Variants in TRDN observed in about 807,000 individuals in gnomAD.
TRDN encodes triadin in skeletal muscle.
Under a neutral mutation model 149.7 loss-of-function variants are expected in TRDN, and 161 were observed. The ratio of observed to expected loss-of-function variants is 1.08; its 90% CI spans 0.95 to 1.23. TRDN has a LOEUF of 1.23. TRDN is among the 50% of genes most tolerant of loss of function. The pLI is 0.00. For missense variants in TRDN, 896 were observed against 823.5 expected, an observed-to-expected ratio of 1.09 and a Z score of -1.08; for synonymous variants, 294 against 250.5, an observed-to-expected ratio of 1.17 and a Z score of -1.64.
At chr6:123,301,927 A>G (rs2114672121) in intron 24 of TRDN, among the ~76,000 whole-genome samples, 1 of 149,718 alleles carries the variant, frequency 6.7e-6, no homozygotes, top group South Asian at 2.1e-4. Context: ...ATCAGTCATC[A>G]CAGATATTAA....
intron 1 of TRDN, among the ~76,000 whole-genome samples, chr6:123,600,975 C>G (rs1276712517): frequency 6.6e-6 from 1 of 151,904 alleles, no homozygotes; most frequent in Admixed American, 6.6e-5. Context: ...CTGAACATAA[C>G]TGAAAAGTTG....
intron 23 of TRDN, among the ~76,000 whole-genome samples, chr6:123,326,347 T>C (rs9490733): frequency 0.15 from 22,306 of 151,408 alleles, 1,770 homozygotes; most frequent in South Asian, 0.21. Context: ...AAAAGAGATA[T>C]AGAGTCTTAT....
intron 24 of TRDN, among the ~76,000 whole-genome samples, chr6:123,307,388 T>A (rs1391419000): frequency 6.6e-6 from 1 of 152,052 alleles, no homozygotes; most frequent in Admixed American, 6.6e-5. Flanking sequence ...TTGCTCCTCC[T>A]CTTCATGGAA....
intron 9 of TRDN, among the ~76,000 whole-genome samples, chr6:123,472,400 A>T (rs1268249099): frequency 1.3e-5 from 2 of 152,198 alleles, no homozygotes; most frequent in African/African-American, 4.8e-5. Context: ...GCACCACAAG[A>T]TTATATCCCA....
intron 24 of TRDN, among the ~76,000 whole-genome samples, chr6:123,305,701 C>T (rs1277212707): frequency 1.3e-5 from 2 of 152,124 alleles, no homozygotes; most frequent in South Asian, 2.1e-4. Flanking sequence ...CTCTTACACC[C>T]CTCAAGGCTG....
chr6:123,422,947 T>C (rs1306566066), intron 12 of TRDN, among the ~76,000 whole-genome samples: 1 of 152,048 alleles, frequency 6.6e-6, no homozygotes, highest in Non-Finnish European at 1.5e-5. Context: ...TAAAAAGGTG[T>C]AACAGGAATA....
At chr6:123,464,837 G>T in intron 10 of TRDN, 69 bp downstream of exon 10, 1 of 1,525,166 alleles carries the variant, frequency 6.6e-7, no homozygotes, top group Non-Finnish European at 8.8e-7. Flanking sequence ...GACTATTTTT[G>T]TTGTTGCTGT....
chr6:123,384,596 G>T (rs1044414413), intron 14 of TRDN, among the ~76,000 whole-genome samples: 14 of 152,208 alleles, frequency 9.2e-5, no homozygotes, highest in South Asian at 6.2e-4. Flanking sequence ...TGTAACTATA[G>T]AATATCTAAA....
At chr6:123,270,332 G>A (rs915267171) in intron 30 of TRDN, among the ~76,000 whole-genome samples, 2 of 151,864 alleles carry the variant, frequency 1.3e-5, no homozygotes, top group African/African-American at 2.4e-5. Flanking sequence ...TAATTTCTAG[G>A]AATAATTGGA....
At chr6:123,317,793 A>G (rs527958191) in intron 23 of TRDN, among the ~76,000 whole-genome samples, 1 of 152,112 alleles carries the variant, frequency 6.6e-6, no homozygotes, top group African/African-American at 2.4e-5. Context: ...TATATGATCA[A>G]CAAATATTGT....
At chr6:123,446,868 G>T (rs1775409239) in intron 10 of TRDN, among the ~76,000 whole-genome samples, 1 of 147,258 alleles carries the variant, frequency 6.8e-6, no homozygotes, top group African/African-American at 2.7e-5. Context: ...TTGAAAGGGA[G>T]AAGACTTAGG....
Position 123,218,580 on chromosome 6 carries a change from G to A in TRDN, c.*21C>T, listed in dbSNP as rs765558313. 1.4e-5 allele frequency: 22 copies of A among 1,601,692 alleles called. No individual in the cohort carries two copies. Among genetic ancestry groups the A allele is most frequent in the Non-Finnish European group, 1.6e-5 (19 of 1,174,824 alleles). Reference sequence around the variant, plus strand: ...ACATTTTTAAAATCTTAAAGCACTTGTAAGGGTCATACATGTGTGTTTACT... The same window carrying A: ...ACATTTTTAAAATCTTAAAGCACTTATAAGGGTCATACATGTGTGTTTACT... On this transcript the variant is annotated 3_prime_UTR_variant, in exon 41 of 41. Transcript: ENST00000334268.
chr6:123,231,481 T>A (rs1458214872), intron 38 of TRDN, among the ~76,000 whole-genome samples: 1 of 152,034 alleles, frequency 6.6e-6, no homozygotes, highest in Non-Finnish European at 1.5e-5. Flanking sequence ...GAGGCAGCAG[T>A]ATTAGGAATA....
Position 123,266,160 on chromosome 6 carries a change from A to G in TRDN, c.1784-822T>C, listed in dbSNP as rs1288292752. Among the ~76,000 whole-genome samples the G allele has an allele frequency of 1.8e-3, 183 of 101,204 alleles. 2 individuals carry two copies. In the East Asian group the frequency reaches 0.047, roughly 26 times the overall value. 66.4% of individuals were successfully genotyped at this position (101,204 alleles called of 152,430 possible). On this transcript the variant is annotated intron_variant, in intron 32 of 40. Coordinates refer to ENST00000334268, the MANE Select transcript of TRDN (RefSeq NM_006073.4). ...ATATGTATTATATATTATATATATTATAATATGTATTATATATTATATATA... is the reference window on the plus strand; with the variant it reads ...ATATGTATTATATATTATATATATTGTAATATGTATTATATATTATATATA...
chr6:123,347,683 G>A (rs1780308793), intron 21 of TRDN, among the ~76,000 whole-genome samples: 1 of 151,908 alleles, frequency 6.6e-6, no homozygotes, highest in Non-Finnish European at 1.5e-5. Flanking sequence ...CTTCAGCATT[G>A]GGGGCAATGT....
At chr6:123,474,278 G>A (rs1182730967) in intron 9 of TRDN, among the ~76,000 whole-genome samples, 2 of 152,004 alleles carry the variant, frequency 1.3e-5, no homozygotes, top group East Asian at 1.9e-4. Flanking sequence ...ACAAAAAAAG[G>A]CAGGGATTGC....
intron 8 of TRDN, chr6:123,501,984 A>G (rs571556958): frequency 1.0e-6 from 1 of 985,058 alleles, no homozygotes; most frequent in Non-Finnish European, 1.2e-6. Context: ...ATGAAAAATT[A>G]ACATCAAAAA....
intron 4 of TRDN, among the ~76,000 whole-genome samples, chr6:123,533,256 G>T (rs978356271): frequency 1.3e-5 from 2 of 151,896 alleles, no homozygotes; most frequent in African/African-American, 4.8e-5. Context: ...TAGAGGTAGG[G>T]GTGTGTGCAT....
chr6:123,243,621 A>G (rs1412002949), intron 38 of TRDN, among the ~76,000 whole-genome samples: 1 of 152,192 alleles, frequency 6.6e-6, no homozygotes, highest in Non-Finnish European at 1.5e-5. Context: ...AAACTGAGGA[A>G]TTCATTGATA....
Sources: allele counts gnomAD v4.1 joint callset (sites outside exome capture counted in the v4.1 genomes callset), GRCh38; gene constraint gnomAD v4.1.1; transcripts MANE v1.5; gene names NCBI Gene and HGNC (gene_info 2026-07-23, HGNC 2026-07-21).